Variants in CD81 observed in about 807,000 individuals in gnomAD.
CD81 encodes CD81 antigen.
A neutral mutation model predicts 30.1 loss-of-function variants in CD81; 10 were observed. The ratio of observed to expected loss-of-function variants is 0.33; its 90% CI spans 0.21 to 0.56. The LOEUF (loss-of-function observed/expected upper bound fraction) is 0.56, where lower values mean the gene tolerates loss of function less well. Ranked by LOEUF, CD81 falls within the 20% of genes least tolerant of loss-of-function variation. The pLI is 0.89. For missense variants in CD81, 263 were observed against 308.7 expected (o/e 0.85, Z 1.11); for synonymous variants, 147 against 126.4 (o/e 1.16, Z -1.10).
intron 1 of CD81, among the ~76,000 whole-genome samples, chr11:2,379,820 C>T (rs1362917649): frequency 6.6e-6 from 1 of 152,154 alleles, no homozygotes; most frequent in Non-Finnish European, 1.5e-5. Context: ...TGTGGACCCA[C>T]CCATCCACTG....
At position 2,397,273 on chromosome 11, in the gene CD81, T is replaced by A; in HGVS notation, c.*407T>A. The A allele has an allele frequency of 3.5e-6, 1 of 285,592 alleles. No individual in the cohort carries two copies. The highest frequency in any genetic ancestry group is 6.8e-6 in the Non-Finnish European group (1 of 147,642). 17.7% of individuals were successfully genotyped at this position (285,592 alleles called of 1,614,324 possible). On this transcript the variant is annotated 3_prime_UTR_variant, in exon 8 of 8. Transcript: ENST00000263645. Reference sequence around the variant, plus strand: ...TCACCTTGTTCCCTCCTGCCCCGGTTCGAGAGCCGAGTCTGTGGGCACTCT... The same window carrying A: ...TCACCTTGTTCCCTCCTGCCCCGGTACGAGAGCCGAGTCTGTGGGCACTCT...
At chr11:2,381,772 C>T (rs874330) in intron 1 of CD81, among the ~76,000 whole-genome samples, 14,054 of 152,210 alleles carry the variant, frequency 0.092, 1,847 homozygotes, top group African/African-American at 0.3. Context: ...GGTGATATTC[C>T]AGCCCTGCAG....
intron 1 of CD81, among the ~76,000 whole-genome samples, chr11:2,389,808 A>G (rs1175062365): frequency 1.6e-4 from 25 of 152,152 alleles, no homozygotes; most frequent in Non-Finnish European, 2.9e-5. Flanking sequence ...TTGGCCTGGT[A>G]ACATCAAATC....
intron 2 of CD81, 32 bp from the exon 3 acceptor site, chr11:2,394,063 A>G (rs1849952486): frequency 6.5e-7 from 1 of 1,537,236 alleles, no homozygotes; most frequent in Admixed American, 1.7e-5. Context: ...GCGAGTGTGT[A>G]GGCACCCACC....
intron 5 of CD81, 36 bp downstream of exon 5, chr11:2,395,556 C>T (rs1485869115): frequency 5.3e-6 from 8 of 1,512,684 alleles, no homozygotes; most frequent in Non-Finnish European, 6.4e-6. Context: ...GGAGCAGGGC[C>T]CCGGGAACCC....
intron 5 of CD81, 123 bp from the exon 6 acceptor site, chr11:2,395,746 G>C (rs1849987931): frequency 1.3e-6 from 1 of 791,216 alleles, no homozygotes; most frequent in Non-Finnish European, 2.2e-6. Context: ...AAGAAGGCTG[G>C]CCCCTGGATG....
At chr11:2,383,508 C>G (rs1341702582) in intron 1 of CD81, among the ~76,000 whole-genome samples, 1 of 152,172 alleles carries the variant, frequency 6.6e-6, no homozygotes, top group Non-Finnish European at 1.5e-5. Flanking sequence ...TCCAGGGGTA[C>G]TTCCTCCTTT....
rs1049390 is a variant in CD81, at chr11:2,397,107, A to G, written c.*241A>G. On this transcript the variant is annotated 3_prime_UTR_variant, in exon 8 of 8. Coordinates refer to ENST00000263645, the MANE Select transcript of CD81 (RefSeq NM_004356.4). ...GCCTGGGTCTTGGGGACTGGAGGGC[A>G]GGGGTCCTTCTGCCCTGGGGTCCCA... 0.037 allele frequency: 20,779 copies of G among 564,704 alleles called. 1,667 individuals carry two copies. Among genetic ancestry groups the G allele is most frequent in the African/African-American group, 0.23 (12,332 of 52,936 alleles). 35.0% of individuals were successfully genotyped at this position (564,704 alleles called of 1,614,324 possible). A position where few individuals can be genotyped will look rare whatever the true frequency, so the allele number is the denominator to read the frequency against.
rs1270207371 is a variant in CD81 at position 2,378,152 on chromosome 11, A to C, written c.66+537A>C. Among the ~76,000 whole-genome samples, 4 of 151,818 alleles carry C rather than the reference A, an allele frequency of 2.6e-5. No homozygotes were observed. ...ATCCGCCTCACTCTTTCCCCAGCCCAGCTCACTCTCCAATCTGCGGTCACC... is the reference window on the plus strand; with the variant it reads ...ATCCGCCTCACTCTTTCCCCAGCCCCGCTCACTCTCCAATCTGCGGTCACC... On this transcript the variant is annotated intron_variant, in intron 1 of 7. Coordinates refer to ENST00000263645, the MANE Select transcript of CD81 (RefSeq NM_004356.4). The surrounding 1 kb of genome is among the most constrained non-coding windows in gnomAD (Gnocchi z 4.9).
Position 2,394,040 on chromosome 11 carries a change from G to A in CD81, c.182-55G>A, listed in dbSNP as rs771673278. ...GGTTCGGCACCCAGGACCCTCCGGG[G>A]TCTTGGGCTGTGGCGAGTGTGTAGG... On this transcript the variant is annotated intron_variant, in intron 2 of 7. Transcript: ENST00000263645. The A allele has an allele frequency of 2.2e-6, 3 of 1,389,408 alleles. No individual in the cohort carries two copies. In the African/African-American group the frequency reaches 4.3e-5, roughly 20 times the overall value. The allele number at this position is 1,389,408 out of a possible 1,614,324, so 86.1% of individuals were successfully genotyped here. A position where few individuals can be genotyped will look rare whatever the true frequency, so the allele number is the denominator to read the frequency against.
chr11:2,389,358 A>G (rs1041710905), intron 1 of CD81, among the ~76,000 whole-genome samples: 1 of 152,138 alleles, frequency 6.6e-6, no homozygotes, highest in Non-Finnish European at 1.5e-5. Flanking sequence ...ACAGCAGAGG[A>G]CAAGCCTGTG....
At chr11:2,381,107 G>A (rs1006229215) in intron 1 of CD81, among the ~76,000 whole-genome samples, 1 of 152,232 alleles carries the variant, frequency 6.6e-6, no homozygotes, top group African/African-American at 2.4e-5. Context: ...CCAAGTGGGT[G>A]TGTGGACTTT....
chr11:2,389,801 G>A lies in CD81; in HGVS notation c.67-611G>A, dbSNP rs114450810. Among the ~76,000 whole-genome samples, 473 of 152,218 alleles carry A rather than the reference G, an allele frequency of 3.1e-3. 2 individuals are homozygous for A. Among genetic ancestry groups the A allele is most frequent in the African/African-American group, 0.011 (447 of 41,536 alleles). ...CGCAGGCCCTGGTGCCTACAGCTTG[G>A]CCTGGTAACATCAAATCCTACCCTC... On this transcript the variant is annotated intron_variant, in intron 1 of 7. Coordinates refer to ENST00000263645, the MANE Select transcript of CD81 (RefSeq NM_004356.4).
At chr11:2,395,100 C>A in intron 4 of CD81, 54 bp downstream of exon 4, 1 of 1,467,470 alleles carries the variant, frequency 6.8e-7, no homozygotes, top group South Asian at 1.1e-5. Context: ...GCACCCTCCT[C>A]TCCTGTCGCG....
In CD81 at chr11:2,377,501, C is replaced by G. The variant is rs1406432182; in HGVS notation, c.-49C>G. Reference sequence around the variant, plus strand: ...CCAGGCCCCGCGCCGGCCCGCCCGCCGCCCAGGACCGGCCCGCGCCCCGCA... The same window carrying G: ...CCAGGCCCCGCGCCGGCCCGCCCGCGGCCCAGGACCGGCCCGCGCCCCGCA... On this transcript the variant is annotated 5_prime_UTR_variant, in exon 1 of 8. Coordinates refer to ENST00000263645, the MANE Select transcript of CD81 (RefSeq NM_004356.4). This position sits in a 1 kb window ranked among gnomAD's most constrained non-coding sequence, Gnocchi z 7.7. 9 of 904,334 alleles carry G rather than the reference C, an allele frequency of 1.0e-5. No individual in the cohort carries two copies. The highest frequency in any genetic ancestry group is 1.8e-5 in the African/African-American group (1 of 55,024). 56.0% of individuals were successfully genotyped at this position (904,334 alleles called of 1,614,324 possible).
rs1849637884 is a variant in CD81, at chr11:2,378,369, G to C, written c.66+754G>C. Among the ~76,000 whole-genome samples, 1 of 152,184 alleles carries C rather than the reference G, an allele frequency of 6.6e-6. No individual in the cohort carries two copies. Among genetic ancestry groups the C allele is most frequent in the Non-Finnish European group, 1.5e-5 (1 of 68,022 alleles). On this transcript the variant is annotated intron_variant, in intron 1 of 7. Transcript: ENST00000263645. The surrounding 1 kb of genome is among the most constrained non-coding windows in gnomAD (Gnocchi z 4.9). Reference sequence around the variant, plus strand: ...GCCTCGCAGGAGTGGGGATCCCGCGGTTCTGAGTTGGCACAAGGAAGAGAG... The same window carrying C: ...GCCTCGCAGGAGTGGGGATCCCGCGCTTCTGAGTTGGCACAAGGAAGAGAG...
At chr11:2,386,626 A>G (rs575660519) in intron 1 of CD81, 10 of 717,200 alleles carry the variant, frequency 1.4e-5, no homozygotes, top group African/African-American at 1.7e-5. Context: ...AGGGCTGGGA[A>G]GACCAAGGCT....
Position 2,395,970 on chromosome 11 carries a change from G to A in CD81, c.561G>A (p.Lys187=). ...GCAACATCATCAGCAACCTCTTCAAGGTGCGCGAGGCCGGTGGGGCCGCGC... is the reference window on the plus strand; with the variant it reads ...GCAACATCATCAGCAACCTCTTCAAAGTGCGCGAGGCCGGTGGGGCCGCGC... ...SGSNIISNLF[K]EDCHQKIDDL... Residue 187 remains lysine (K), a splice_region_variant and synonymous_variant, in exon 6 of 8, where the codon AAG becomes AAA. Transcript: ENST00000263645. The A allele has an allele frequency of 6.2e-7, 1 of 1,604,640 alleles. No individual in the cohort carries two copies. The highest frequency in any genetic ancestry group is 2.2e-5 in the East Asian group (1 of 44,850).
intron 1 of CD81, among the ~76,000 whole-genome samples, chr11:2,383,144 G>A (rs1204146085): frequency 1.3e-5 from 2 of 152,224 alleles, no homozygotes; most frequent in Non-Finnish European, 2.9e-5. Context: ...GCTGAGACAG[G>A]CGGCTTCCTC....
Sources: allele counts gnomAD v4.1 joint callset (sites outside exome capture counted in the v4.1 genomes callset), GRCh38; gene constraint gnomAD v4.1.1; non-coding constraint Gnocchi (gnomAD v3.1); transcripts MANE v1.5; gene names NCBI Gene and HGNC (gene_info 2026-07-23, HGNC 2026-07-21).